GTF3C3: variants seen among roughly 807,000 people sequenced by gnomAD.
GTF3C3 encodes general transcription factor 3C polypeptide 3.
GTF3C3 carries 75 observed loss-of-function variants against 105.2 expected under a neutral mutation model. That is an observed-to-expected ratio of 0.71 (90% confidence interval 0.59 to 0.86). The LOEUF is 0.86. GTF3C3 is among the 40% of genes least tolerant of loss of function. The probability of loss-of-function intolerance (pLI) is 0.00; values close to 1 mark genes in which losing one functional copy is unlikely to be tolerated. For missense variants in GTF3C3, 856 were observed against 1,076.5 expected (o/e 0.80, Z 2.87); for synonymous variants, 335 against 370.4 (o/e 0.90, Z 1.10).
At chr2:196,773,298 G>A in intron 13 of GTF3C3, 145 bp from the exon 14 acceptor site, 1 of 642,024 alleles carries the variant, frequency 1.6e-6, no homozygotes, top group Non-Finnish European at 2.8e-6. Flanking sequence ...AAGATGAGAA[G>A]GGGTAGTTGC....
chr2:196,782,208 G>A (rs1045980952), intron 8 of GTF3C3, among the ~76,000 whole-genome samples: 2 of 152,172 alleles, frequency 1.3e-5, no homozygotes, highest in African/African-American at 2.4e-5. Context: ...TTTGCCACGT[G>A]AGGACACAGC....
intron 14 of GTF3C3, 106 bp from the exon 15 acceptor site, chr2:196,772,044 C>A (rs1467246355): frequency 2.9e-6 from 2 of 699,508 alleles, no homozygotes; most frequent in South Asian, 1.7e-5. Flanking sequence ...AATGTACCAT[C>A]CTCCAACAAG....
chr2:196,772,296 G>A (rs967516003), intron 14 of GTF3C3, among the ~76,000 whole-genome samples: 2 of 152,142 alleles, frequency 1.3e-5, no homozygotes, highest in African/African-American at 2.4e-5. Context: ...CGTGGCTCAC[G>A]CCTGTAATCC....
In GTF3C3 at chr2:196,785,531, G is replaced by A. The variant is rs146310995; in HGVS notation, c.951C>T (p.Phe317=). 4.1e-5 allele frequency: 66 copies of A among 1,608,060 alleles called. No individual in the cohort carries two copies. The African/African-American group carries it at 6.6e-4, about 16-fold the overall frequency. ...TSAINIIDEA[F]SKHQGLVSME... is the part of the protein sequence containing the mutation. ...TGGAGACTAGGCCCTGGTGTTTTGA[G>A]AAAGCTTCATCAATTATGTTAATAG... Residue 317 remains phenylalanine (F), a synonymous_variant, in exon 7 of 18, where the codon TTC becomes TTT. Coordinates refer to ENST00000263956, the MANE Select transcript of GTF3C3 (RefSeq NM_012086.5).
intron 13 of GTF3C3, 164 bp downstream of exon 13, chr2:196,774,952 C>T: frequency 2.2e-6 from 1 of 463,786 alleles, no homozygotes; most frequent in South Asian, 5.8e-5. Flanking sequence ...TTAGCCTTTC[C>T]TTTTTAACAT....
intron 6 of GTF3C3, among the ~76,000 whole-genome samples, chr2:196,788,924 G>A (rs116974591): frequency 0.014 from 2,195 of 152,044 alleles, 31 homozygotes; most frequent in South Asian, 0.041. Context: ...AAAATTAGCC[G>A]GGTGTGGTGG....
rs1222974160 is a variant in GTF3C3 at position 196,786,066 on chromosome 2, C to T, written c.894-478G>A. On this transcript the variant is annotated intron_variant, in intron 6 of 17. Transcript: ENST00000263956. The surrounding 1 kb of genome is among the most constrained non-coding windows in gnomAD (Gnocchi z 4.2). ...AAAATCCAACTATATCTACTCTTCA[C>T]CACCACCTGCCCAGCTGACCATGTT... Among the ~76,000 whole-genome samples, 2 of 152,152 alleles carry T rather than the reference C, an allele frequency of 1.3e-5. No individual in the cohort carries two copies. Among genetic ancestry groups the T allele is most frequent in the East Asian group, 3.9e-4 (2 of 5,184 alleles).
At position 196,776,561 on chromosome 2, in the gene GTF3C3, G is replaced by A; in HGVS notation, c.1459C>T (p.Pro487Ser). 6.2e-7 allele frequency: 1 copy of A among 1,614,078 alleles called. No homozygotes were observed. Among genetic ancestry groups the A allele is most frequent in the Non-Finnish European group, 8.5e-7 (1 of 1,179,978 alleles). The change falls in exon 11 of 18, where the codon CCA (proline) becomes TCA (serine). Residue 487 changes from proline to serine, a missense_variant. By Grantham distance (74) the Pro-to-Ser change is moderately conservative. This residue lies in a region of GTF3C3 where 605 missense variants were observed against 833.6 expected (regional missense o/e 0.73). Coordinates refer to ENST00000263956, the MANE Select transcript of GTF3C3 (RefSeq NM_012086.5). This position sits in a 1 kb window ranked among gnomAD's most constrained non-coding sequence, Gnocchi z 4.5. Reference protein sequence around the residue: ...ESYGKVVDLAPLHLDARISLS... With the variant: ...ESYGKVVDLASLHLDARISLS... ...GAAATCCTTGCATCCAAATGGAGTG[G>A]GGCCAGATCAACCACCTTGCCATAG...
At chr2:196,777,970 G>A (rs913892527) in intron 10 of GTF3C3, 2 of 152,106 alleles carry the variant, frequency 1.3e-5, no homozygotes, top group Admixed American at 6.6e-5. Flanking sequence ...AGCTTTTTAC[G>A]ATGGTATTAC....
chr2:196,778,562 C>A, intron 10 of GTF3C3: 2 of 254,870 alleles, frequency 7.8e-6, no homozygotes, highest in Non-Finnish European at 1.5e-5. Context: ...AAATATAAAT[C>A]TATAAAAACT....
In GTF3C3 at chr2:196,778,962, G is replaced by C; in HGVS notation, c.1324C>G (p.Pro442Ala). 17 of 1,613,828 alleles carry C rather than the reference G, an allele frequency of 1.1e-5. No individual in the cohort carries two copies. The highest frequency in any genetic ancestry group is 1.4e-5 in the Non-Finnish European group (17 of 1,179,780). ...LDVGEYNSALPLLSALVCSER... is the reference protein window; with the variant it reads ...LDVGEYNSALALLSALVCSER... ...GAGCAAACAAGAGCACTGAGGAGGG[G>C]AAGTGCAGAATTATATTCACCAACA... is the stretch of plus-strand genomic sequence containing the variant. Residue 442 changes from proline (P) to alanine (A), a missense_variant, in exon 10 of 18, where the codon CCC (proline) becomes GCC (alanine). By Grantham distance (27) the Pro-to-Ala change is conservative (BLOSUM62 -1). Around this residue, in one of 3 missense-constraint regions of GTF3C3, gnomAD observed 605 missense variants for 833.6 expected, o/e 0.73. Coordinates refer to ENST00000263956, the MANE Select transcript of GTF3C3 (RefSeq NM_012086.5).
intron 2 of GTF3C3, among the ~76,000 whole-genome samples, chr2:196,796,312 C>T (rs1034363640): frequency 6.6e-6 from 1 of 152,192 alleles, no homozygotes; most frequent in Non-Finnish European, 1.5e-5. Flanking sequence ...CTGAATTGGA[C>T]TCAGCTCACT....
chr2:196,776,732 T>A lies in GTF3C3; in HGVS notation c.1391-103A>T, dbSNP rs906172926. 2.7e-6 allele frequency: 2 copies of A among 740,580 alleles called. No homozygotes were observed. The highest frequency in any genetic ancestry group is 4.5e-6 in the Non-Finnish European group (2 of 447,516). The allele number at this position is 740,580 out of a possible 1,614,324, so 45.9% of individuals were successfully genotyped here. A position where few individuals can be genotyped will look rare whatever the true frequency, so the allele number is the denominator to read the frequency against. Reference sequence around the variant, plus strand: ...AGAAATATAGCAATATAAAAAATTATAACAAGAAATGAATGCGTATTTCTA... The same window carrying A: ...AGAAATATAGCAATATAAAAAATTAAAACAAGAAATGAATGCGTATTTCTA... On this transcript the variant is annotated intron_variant, in intron 10 of 17. Coordinates refer to ENST00000263956, the MANE Select transcript of GTF3C3 (RefSeq NM_012086.5). This position sits in a 1 kb window ranked among gnomAD's most constrained non-coding sequence, Gnocchi z 4.5.
intron 14 of GTF3C3, among the ~76,000 whole-genome samples, chr2:196,772,678 G>A (rs1361525167): frequency 6.6e-6 from 1 of 152,152 alleles, no homozygotes; most frequent in East Asian, 1.9e-4. Flanking sequence ...TGGGAAGACT[G>A]TGGCACTAGA....
intron 9 of GTF3C3, 51 bp downstream of exon 9, chr2:196,780,508 G>T: frequency 6.3e-7 from 1 of 1,580,818 alleles, no homozygotes; most frequent in Non-Finnish European, 8.6e-7. Context: ...CTAAAGAAAA[G>T]AGATGGTGCA....
chr2:196,773,145 C>A lies in GTF3C3; in HGVS notation c.1840G>T (p.Ala614Ser). The A allele has an allele frequency of 6.3e-7, 1 of 1,585,910 alleles. No individual in the cohort carries two copies. Among genetic ancestry groups the A allele is most frequent in the Non-Finnish European group, 8.6e-7 (1 of 1,161,546 alleles). Reference protein sequence around the residue: ...SANCDAKAIFAVLTSVLTKDD... With the variant: ...SANCDAKAIFSVLTSVLTKDD... The stretch of plus-strand genomic sequence containing the variant: ...TTTGTCAAGACGCTTGTGAGCACAG[C>A]AAATATTGCTAAAATGAGACCAATG... Residue 614 changes from alanine (A) to serine (S), a missense_variant, in exon 14 of 18, where the codon GCT becomes TCT. Transcript: ENST00000263956.
At chr2:196,794,373 T>C (rs888547312) in intron 2 of GTF3C3, among the ~76,000 whole-genome samples, 4 of 152,198 alleles carry the variant, frequency 2.6e-5, no homozygotes, top group Admixed American at 6.5e-5. Flanking sequence ...ACAAAATAGT[T>C]AAAATTTTAA....
chr2:196,766,217 G>C (rs549990777), intron 17 of GTF3C3, among the ~76,000 whole-genome samples: 1 of 151,928 alleles, frequency 6.6e-6, no homozygotes, highest in Non-Finnish European at 1.5e-5. Context: ...ATTAATACTG[G>C]TCTTTCATCT....
intron 7 of GTF3C3, 30 bp from the exon 8 acceptor site, chr2:196,784,959 A>C (rs1699429871): frequency 7.0e-7 from 1 of 1,424,028 alleles, no homozygotes; most frequent in Non-Finnish European, 9.9e-7. Flanking sequence ...GAAAGGAAAT[A>C]AAATATGTGT....
Sources: gnomAD v4.1 joint callset for allele counts (sites outside exome capture counted in the v4.1 genomes callset) on GRCh38, gnomAD v4.1.1 for gene constraint, gnomAD v4.1.1 regional missense constraint, Gnocchi (gnomAD v3.1) non-coding constraint, MANE v1.5 for transcripts, NCBI Gene and HGNC (gene_info 2026-07-23, HGNC 2026-07-21) for gene names.